SLC35F1: variants seen among roughly 807,000 people sequenced by gnomAD.
SLC35F1 encodes solute carrier family 35 member F1, also known as chromosome 6 open reading frame 169.
SLC35F1 carries 14 observed loss-of-function variants against 48.7 expected under a neutral mutation model. The observed-to-expected ratio is 0.29, with a 90% confidence interval of 0.19 to 0.45. The LOEUF (loss-of-function observed/expected upper bound fraction) is 0.45, where lower values mean the gene tolerates loss of function less well. Among genes scored for constraint, SLC35F1 ranks in the 20% least tolerant of loss-of-function variants. The pLI is 1.00. For synonymous variants in SLC35F1, 190 were observed against 202.2 expected (o/e 0.94, Z 0.51); for missense variants, 404 against 500.0 (o/e 0.81, Z 1.83).
intron 1 of SLC35F1, among the ~76,000 whole-genome samples, chr6:117,908,507 C>A (rs1383965240): frequency 6.6e-6 from 1 of 152,220 alleles, no homozygotes; most frequent in Non-Finnish European, 1.5e-5. Flanking sequence ...CTGGAACAGA[C>A]CCAGCAAAGT....
chr6:117,991,387 T>C (rs1450600033), intron 1 of SLC35F1, among the ~76,000 whole-genome samples: 1 of 152,214 alleles, frequency 6.6e-6, no homozygotes, highest in Non-Finnish European at 1.5e-5. Context: ...ACAATCACTC[T>C]TCCTATTTTG....
chr6:117,932,208 A>T (rs1185607865), intron 1 of SLC35F1, among the ~76,000 whole-genome samples: 1 of 152,184 alleles, frequency 6.6e-6, no homozygotes, highest in East Asian at 1.9e-4. Context: ...ATCTGCTGGC[A>T]CCTGGAATGT....
At chr6:118,238,438 T>G (rs550409188) in intron 3 of SLC35F1, among the ~76,000 whole-genome samples, 2 of 149,886 alleles carry the variant, frequency 1.3e-5, no homozygotes, top group South Asian at 4.2e-4. Context: ...ATAATAATAA[T>G]AATAATAATA....
chr6:117,907,922 G>A, intron 1 of SLC35F1, 23 bp downstream of exon 1: 1 of 1,305,242 alleles, frequency 7.7e-7, no homozygotes, highest in Non-Finnish European at 9.7e-7. Context: ...GCCGGGCGAG[G>A]GCGCGGGGGG....
intron 1 of SLC35F1, among the ~76,000 whole-genome samples, chr6:118,081,844 A>G (rs1184579449): frequency 6.6e-6 from 1 of 152,186 alleles, no homozygotes; most frequent in African/African-American, 2.4e-5. Context: ...AGTCTGCAGA[A>G]TGGCTGTGAA....
chr6:117,940,931 G>A lies in SLC35F1; in HGVS notation c.173+33032G>A, dbSNP rs370660659. 9.2e-5 allele frequency among the ~76,000 whole-genome samples: 14 copies of A among 152,258 alleles called. 2 individuals are homozygous for A. In the East Asian group the frequency reaches 1.9e-3, roughly 21 times the overall value. The stretch of plus-strand genomic sequence containing the variant: ...CTCAAAATGTTAGGATTACAGGTAT[G>A]AGCTACCATGCCTGGCCCAAAGATG... On this transcript the variant is annotated intron_variant, in intron 1 of 7. Coordinates refer to ENST00000360388, the MANE Select transcript of SLC35F1 (RefSeq NM_001029858.4).
At chr6:118,130,282 T>C (rs1773690703) in intron 1 of SLC35F1, among the ~76,000 whole-genome samples, 1 of 152,180 alleles carries the variant, frequency 6.6e-6, no homozygotes, top group African/African-American at 2.4e-5. Context: ...ATTTTAGCTA[T>C]TAATGTTAGT....
intron 1 of SLC35F1, among the ~76,000 whole-genome samples, chr6:117,923,707 GTACATATA>G (rs1403449898): frequency 3.5e-5 from 2 of 57,216 alleles, no homozygotes; most frequent in Non-Finnish European, 6.6e-5. Flanking sequence ...ATACATATAT[GTACATATA>G]TACATATATA....
intron 2 of SLC35F1, among the ~76,000 whole-genome samples, chr6:118,187,008 GTC>G (rs2114517878): frequency 6.6e-6 from 1 of 152,240 alleles, no homozygotes; most frequent in Non-Finnish European, 1.5e-5. Context: ...ATGCCCAACT[GTC>G]TCTCATTCTA....
At chr6:117,929,361 T>C (rs1776069963) in intron 1 of SLC35F1, among the ~76,000 whole-genome samples, 1 of 151,874 alleles carries the variant, frequency 6.6e-6, no homozygotes, top group African/African-American at 2.4e-5. Flanking sequence ...CATTTGGTAA[T>C]AATTGTGTCA....
chr6:117,924,647 A>G (rs1776005360), intron 1 of SLC35F1, among the ~76,000 whole-genome samples: 1 of 151,982 alleles, frequency 6.6e-6, no homozygotes, highest in Admixed American at 6.6e-5. Flanking sequence ...GAGGAGGGCA[A>G]TGCCAGAAGG....
intron 1 of SLC35F1, among the ~76,000 whole-genome samples, chr6:118,118,487 G>T (rs926430522): frequency 9.9e-5 from 15 of 152,210 alleles, no homozygotes; most frequent in Non-Finnish European, 5.9e-5. Flanking sequence ...TATGTTTTCA[G>T]AATGCAGTTG....
intron 1 of SLC35F1, among the ~76,000 whole-genome samples, chr6:118,122,255 A>AC (rs1441929177): frequency 6.6e-6 from 1 of 151,464 alleles, no homozygotes; most frequent in Non-Finnish European, 1.5e-5. Context: ...AGAAAAAAAA[A>AC]AAACATGAAA....
At chr6:118,056,277 TTTG>T (rs1359377632) in intron 1 of SLC35F1, among the ~76,000 whole-genome samples, 2 of 152,186 alleles carry the variant, frequency 1.3e-5, no homozygotes, top group African/African-American at 4.8e-5. Context: ...TTAAAATAAT[TTTG>T]TTTATTTCAT....
intron 1 of SLC35F1, among the ~76,000 whole-genome samples, chr6:118,130,814 TAA>T (rs1416266344): frequency 4.6e-5 from 7 of 152,076 alleles, no homozygotes; most frequent in African/African-American, 1.7e-4. Context: ...TGGATTACAA[TAA>T]AGTGCTCAGA....
intron 1 of SLC35F1, among the ~76,000 whole-genome samples, chr6:118,065,971 G>T (rs189497689): frequency 3.9e-5 from 6 of 152,040 alleles, no homozygotes; most frequent in Admixed American, 2.0e-4. Flanking sequence ...TAGACAAGTG[G>T]CTACCAAAAC....
chr6:118,036,517 A>G (rs1325227073), intron 1 of SLC35F1, among the ~76,000 whole-genome samples: 1 of 152,144 alleles, frequency 6.6e-6, no homozygotes, highest in Non-Finnish European at 1.5e-5. Flanking sequence ...TGTCAATTAG[A>G]TCAAGTTGGT....
chr6:118,142,427 A>C (rs1271619708), intron 1 of SLC35F1, among the ~76,000 whole-genome samples: 1 of 152,126 alleles, frequency 6.6e-6, no homozygotes, highest in Non-Finnish European at 1.5e-5. Flanking sequence ...CCACTGGTCT[A>C]TCCTCCTTTT....
chr6:118,085,010 C>T (rs1286662459), intron 1 of SLC35F1, among the ~76,000 whole-genome samples: 5 of 152,116 alleles, frequency 3.3e-5, no homozygotes, highest in Admixed American at 2.6e-4. Flanking sequence ...TTAACCATCC[C>T]CTCTTCCGGT....
Sources: gnomAD v4.1 joint callset for allele counts (sites outside exome capture counted in the v4.1 genomes callset) on GRCh38, gnomAD v4.1.1 for gene constraint, MANE v1.5 for transcripts, NCBI Gene and HGNC (gene_info 2026-07-23, HGNC 2026-07-21) for gene names.